The following IGF2R variants were observed in gnomAD, a reference collection of about 807,000 sequenced individuals.
IGF2R encodes insulin like growth factor 2 receptor, also known as cation-independent mannose-6-phosphate receptor.
A neutral mutation model predicts 270.6 loss-of-function variants in IGF2R; 91 were observed. That is an observed-to-expected ratio of 0.34 (90% CI 0.28 to 0.40). The LOEUF (loss-of-function observed/expected upper bound fraction) is 0.40. IGF2R is among the 10% of genes least tolerant of loss of function. IGF2R has a pLI of 1.00. For missense variants in IGF2R, 2,805 were observed against 3,188.3 expected (o/e 0.88, Z 2.90); for synonymous variants, 1,316 against 1,258.9 (o/e 1.05, Z -0.96).
intron 7 of IGF2R, among the ~76,000 whole-genome samples, chr6:160,029,881 A>G (rs1166560617): frequency 6.6e-6 from 1 of 152,196 alleles, no homozygotes; most frequent in Non-Finnish European, 1.5e-5. Context: ...GCTTTTTTAC[A>G]GCAATCCGGA....
At chr6:160,016,002 A>G (rs774639068) in intron 4 of IGF2R, among the ~76,000 whole-genome samples, 1 of 152,228 alleles carries the variant, frequency 6.6e-6, no homozygotes, top group Non-Finnish European at 1.5e-5. Context: ...TGCTTCCTGT[A>G]CAACCTGCAG....
chr6:159,973,590 T>A (rs113553678), intron 1 of IGF2R, among the ~76,000 whole-genome samples: 2 of 152,180 alleles, frequency 1.3e-5, no homozygotes, highest in African/African-American at 4.8e-5. Flanking sequence ...ATGCCTAATT[T>A]GGGCCACATG....
chr6:160,045,460 C>A (rs1303123605), intron 13 of IGF2R, among the ~76,000 whole-genome samples: 2 of 152,192 alleles, frequency 1.3e-5, no homozygotes, highest in East Asian at 3.9e-4. Flanking sequence ...CCACCACCAT[C>A]CATCTCCAGA....
chr6:160,073,628 T>C (rs1012364175), intron 34 of IGF2R, 129 bp from the exon 35 acceptor site: 2 of 1,071,914 alleles, frequency 1.9e-6, no homozygotes, highest in African/African-American at 1.6e-5. Flanking sequence ...CAGTGCTATG[T>C]AATGAAGCAT....
chr6:159,994,010 T>TTTC (rs1554236329), intron 2 of IGF2R, among the ~76,000 whole-genome samples: 1 of 147,338 alleles, frequency 6.8e-6, no homozygotes, highest in African/African-American at 2.5e-5. Flanking sequence ...TTTTTTTTTT[T>TTTC]CAGGGAGTAG....
In IGF2R at chr6:160,029,269, C is replaced by T. The variant is rs920637920; in HGVS notation, c.777-281C>T. 5.3e-5 allele frequency among the ~76,000 whole-genome samples: 8 copies of T among 152,182 alleles called. No homozygotes were observed. In the South Asian group the frequency reaches 1.0e-3, roughly 20 times the overall value. ...TGCTGGGATTACAGGCGTGAGCCAT[C>T]GCACCCAGCCAGGTTTTCTTAATAT... is the stretch of plus-strand genomic sequence containing the variant. On this transcript the variant is annotated intron_variant, in intron 6 of 47. Coordinates refer to ENST00000356956, the MANE Select transcript of IGF2R (RefSeq NM_000876.4).
intron 43 of IGF2R, among the ~76,000 whole-genome samples, chr6:160,089,654 G>T (rs754418886): frequency 2.6e-5 from 4 of 152,246 alleles, no homozygotes; most frequent in Non-Finnish European, 4.4e-5. Context: ...AGGGCCGTGT[G>T]GTGCTGGATA....
chr6:159,986,232 CTTTT>C (rs34949766), intron 1 of IGF2R, among the ~76,000 whole-genome samples: 1 of 138,732 alleles, frequency 7.2e-6, no homozygotes, highest in Non-Finnish European at 1.6e-5. Flanking sequence ...TGCTGCAGAA[CTTTT>C]TTTTTTTTTT....
Position 160,073,276 on chromosome 6 carries a change from A to G in IGF2R, c.4754A>G (p.Asp1585Gly). 2 of 1,614,248 alleles carry G rather than the reference A, an allele frequency of 1.2e-6. No individual in the cohort carries two copies. Among genetic ancestry groups the G allele is most frequent in the Non-Finnish European group, 1.7e-6 (2 of 1,180,052 alleles). Residue 1585 changes from aspartate to glycine, a missense_variant, in exon 34 of 48, where the codon GAC becomes GGC. Asp to Gly is a moderately conservative substitution (Grantham distance 94). Transcript: ENST00000356956. ...GCCAACAAGAGGCTGAGATACGTGGACCAGGTCCTGCAGCTGGTGTACAAG... is the reference window on the plus strand; with the variant it reads ...GCCAACAAGAGGCTGAGATACGTGGGCCAGGTCCTGCAGCTGGTGTACAAG... ...GKANKRLRYVDQVLQLVYKDG... is the reference protein window; with the variant it reads ...GKANKRLRYVGQVLQLVYKDG...
In IGF2R at chr6:160,059,061, CAT is replaced by C; in HGVS notation, c.3055_3056del (p.Ile1019HisfsTer15). The C allele has an allele frequency of 6.2e-7, 1 of 1,614,192 alleles. No homozygotes were observed. ...GCCTCCAGCTGTCCACAGAGGGCTT[CAT>C]CACTCTGACCTACAAAGGGCCTCTC... ...KSLQLSTEGFITLTYKGPLSA... is the reference protein window; with the variant it reads ...KSLQLSTEGFXTLTYKGPLSA... On this transcript the variant is annotated frameshift_variant, in exon 22 of 48. Transcript: ENST00000356956. LOFTEE classifies it high-confidence loss of function.
intron 1 of IGF2R, among the ~76,000 whole-genome samples, chr6:159,975,770 T>G (rs1783684162): frequency 6.8e-6 from 1 of 147,528 alleles, no homozygotes; most frequent in African/African-American, 2.5e-5. Context: ...GTATATTATA[T>G]ATGTATTATA....
At chr6:160,000,137 A>G (rs563158627) in intron 2 of IGF2R, among the ~76,000 whole-genome samples, 3 of 152,346 alleles carry the variant, frequency 2.0e-5, no homozygotes, top group South Asian at 2.1e-4. Context: ...GCTCAATACA[A>G]CTTCACTAAT....
intron 35 of IGF2R, chr6:160,074,185 G>A (rs1562368671): frequency 1.8e-6 from 1 of 570,508 alleles, no homozygotes; most frequent in East Asian, 2.9e-5. Context: ...GCCAGTCTTT[G>A]AGCATGGGAG....
Position 159,998,250 on chromosome 6 carries a change from A to G in IGF2R, c.289+6927A>G, listed in dbSNP as rs1195174651. Among the ~76,000 whole-genome samples the G allele has an allele frequency of 6.6e-6, 1 of 152,142 alleles. No individual in the cohort carries two copies. Among genetic ancestry groups the G allele is most frequent in the East Asian group, 1.9e-4 (1 of 5,200 alleles). On this transcript the variant is annotated intron_variant, in intron 2 of 47. Transcript: ENST00000356956. The surrounding 1 kb of genome is among the most constrained non-coding windows in gnomAD (Gnocchi z 4.1). Reference sequence around the variant, plus strand: ...ATACTTCAATATTTTTGGCTAATGAAAGTATGTCTTGAGTTTATGGTAGTA... The same window carrying G: ...ATACTTCAATATTTTTGGCTAATGAGAGTATGTCTTGAGTTTATGGTAGTA...
intron 41 of IGF2R, 111 bp from the exon 42 acceptor site, chr6:160,087,922 C>T (rs575330087): frequency 1.5e-4 from 105 of 689,002 alleles, no homozygotes; most frequent in Middle Eastern, 9.7e-4. Flanking sequence ...GTGATCTGCC[C>T]TCTTTGGTTT....
rs575125587 is a variant in IGF2R at position 160,019,384 on chromosome 6, C to T, written c.514-5188C>T. Among the ~76,000 whole-genome samples, 4 of 152,276 alleles carry T rather than the reference C, an allele frequency of 2.6e-5. No individual in the cohort carries two copies. The South Asian group carries it at 8.3e-4, about 32-fold the overall frequency. On this transcript the variant is annotated intron_variant, in intron 4 of 47. Transcript: ENST00000356956. ...AGACAGATTGACAGCTGAATTCTCC[C>T]AGAGGCACAGGGAAGAACTAGCACA...
intron 6 of IGF2R, among the ~76,000 whole-genome samples, chr6:160,028,698 G>C (rs1182372649): frequency 6.6e-6 from 1 of 152,198 alleles, no homozygotes; most frequent in Non-Finnish European, 1.5e-5. Flanking sequence ...AGTAACTGCT[G>C]TAACTGCTGG....
chr6:160,093,701 A>T, intron 44 of IGF2R: 1 of 757,742 alleles, frequency 1.3e-6, no homozygotes, highest in Admixed American at 1.7e-5. Context: ...TAATGAAAAG[A>T]GCAAAGTTGT....
chr6:160,064,971 G>C (rs1419568394), intron 29 of IGF2R, 70 bp downstream of exon 29: 2 of 1,011,716 alleles, frequency 2.0e-6, no homozygotes, highest in African/African-American at 3.2e-5. Context: ...ATAATTAGTG[G>C]TCTTGGGTGC....
Sources: gnomAD v4.1 joint callset for allele counts (sites outside exome capture counted in the v4.1 genomes callset) on GRCh38, gnomAD v4.1.1 for gene constraint, Gnocchi (gnomAD v3.1) non-coding constraint, MANE v1.5 for transcripts, NCBI Gene and HGNC (gene_info 2026-07-23, HGNC 2026-07-21) for gene names.